The following PDS5A variants were observed in gnomAD, a reference collection of about 807,000 sequenced individuals.
PDS5A encodes the protein sister chromatid cohesion protein PDS5 homolog A.
A neutral mutation model predicts 167.1 loss-of-function variants in PDS5A; 42 were observed. The ratio of observed to expected loss-of-function variants is 0.25; its 90% CI spans 0.20 to 0.33. The LOEUF is 0.33. Among genes scored for constraint, PDS5A ranks in the 10% least tolerant of loss-of-function variants. The pLI is 1.00. For synonymous variants in PDS5A, 553 were observed against 554.6 expected (o/e 1.00, Z 0.04); for missense variants, 1,033 against 1,605.9 (o/e 0.64, Z 6.10).
intron 2 of PDS5A, among the ~76,000 whole-genome samples, chr4:39,941,856 G>A (rs1053155481): frequency 6.6e-6 from 1 of 152,188 alleles, no homozygotes; most frequent in Non-Finnish European, 1.5e-5. Flanking sequence ...AAGAGTTCAA[G>A]TTCAAGGCTG....
chr4:39,971,680 G>C (rs543064920), intron 2 of PDS5A, among the ~76,000 whole-genome samples: 1 of 151,990 alleles, frequency 6.6e-6, no homozygotes, highest in Non-Finnish European at 1.5e-5. Context: ...GGCTGGTCTC[G>C]AACTCCTGAG....
chr4:39,863,155 T>G, intron 24 of PDS5A, 82 bp from the exon 25 acceptor site: 1 of 1,111,624 alleles, frequency 9.0e-7, no homozygotes, highest in Non-Finnish European at 1.3e-6. Context: ...GTGTCTTCAA[T>G]TAAAAAGAAG....
intron 2 of PDS5A, among the ~76,000 whole-genome samples, chr4:39,962,244 G>A (rs1359923616): frequency 1.3e-5 from 2 of 151,888 alleles, no homozygotes; most frequent in Admixed American, 6.6e-5. Flanking sequence ...TTTTAGTAGA[G>A]ACGGGGTTTC....
chr4:39,903,703 T>C (rs1024730835), intron 12 of PDS5A, among the ~76,000 whole-genome samples: 24 of 152,294 alleles, frequency 1.6e-4, no homozygotes, highest in African/African-American at 5.5e-4. Flanking sequence ...CCTTTTTATA[T>C]AAAACTGAAG....
At chr4:39,887,053 A>G (rs1721539864) in intron 17 of PDS5A, among the ~76,000 whole-genome samples, 1 of 152,028 alleles carries the variant, frequency 6.6e-6, no homozygotes, top group South Asian at 2.1e-4. Context: ...TGATAATGTC[A>G]TCTGCGAACA....
intron 2 of PDS5A, among the ~76,000 whole-genome samples, chr4:39,949,578 G>GC (rs1242710295): frequency 6.6e-6 from 1 of 151,780 alleles, no homozygotes; most frequent in Non-Finnish European, 1.5e-5. Context: ...CACAATCCCA[G>GC]CCCTTTGGGG....
intron 2 of PDS5A, among the ~76,000 whole-genome samples, chr4:39,955,909 G>A (rs1728880376): frequency 6.6e-6 from 1 of 151,994 alleles, no homozygotes. Flanking sequence ...GAGGTCAGGA[G>A]TTCGAGACCA....
At chr4:39,849,190 TAACA>T (rs776287478) in intron 27 of PDS5A, among the ~76,000 whole-genome samples, 12 of 151,972 alleles carry the variant, frequency 7.9e-5, no homozygotes, top group African/African-American at 2.7e-4. Flanking sequence ...GCATGGAAAA[TAACA>T]AACAAATGAA....
At chr4:39,964,131 A>T (rs1360406179) in intron 2 of PDS5A, among the ~76,000 whole-genome samples, 1 of 152,238 alleles carries the variant, frequency 6.6e-6, no homozygotes, top group African/African-American at 2.4e-5. Context: ...AAAGAACCAC[A>T]GAGAAATTCT....
intron 2 of PDS5A, among the ~76,000 whole-genome samples, chr4:39,944,104 G>C (rs1232347145): frequency 1.4e-5 from 2 of 146,980 alleles, no homozygotes; most frequent in Non-Finnish European, 1.5e-5. Context: ...CGTGAACCCA[G>C]GAAGGCGGAG....
chr4:39,971,145 T>C (rs991815659), intron 2 of PDS5A, among the ~76,000 whole-genome samples: 1 of 151,492 alleles, frequency 6.6e-6, no homozygotes, highest in Non-Finnish European at 1.5e-5. Context: ...GCCTTTAAGA[T>C]GTTTTTTGTT....
chr4:39,839,401 C>A (rs1485127426), intron 31 of PDS5A, among the ~76,000 whole-genome samples: 1 of 151,908 alleles, frequency 6.6e-6, no homozygotes, highest in Non-Finnish European at 1.5e-5. Context: ...GAAACCACAT[C>A]TCTACTAAAA....
chr4:39,845,169 T>C (rs375299371), intron 29 of PDS5A, among the ~76,000 whole-genome samples: 1 of 152,086 alleles, frequency 6.6e-6, no homozygotes, highest in African/African-American at 2.4e-5. Flanking sequence ...GATCGCAACA[T>C]TGTACTCCAG....
intron 8 of PDS5A, among the ~76,000 whole-genome samples, chr4:39,915,918 C>T (rs1259147009): frequency 6.6e-6 from 1 of 152,084 alleles, no homozygotes; most frequent in East Asian, 1.9e-4. Context: ...AAAACTCGCC[C>T]CTCTGCTATT....
At chr4:39,948,978 T>C (rs561159936) in intron 2 of PDS5A, among the ~76,000 whole-genome samples, 85 of 152,138 alleles carry the variant, frequency 5.6e-4, no homozygotes, top group African/African-American at 2.0e-3. Flanking sequence ...GGTACACCTA[T>C]ACACTACAGT....
rs1197444841 is a variant in PDS5A at position 39,977,551 on chromosome 4, C to T, written c.-135G>A. ...TAGTCGGGCTGCACACAAAGCGGCT[C>T]CGCGGGTCCCGCCGCCGCCGCCGCC... On this transcript the variant is annotated 5_prime_UTR_variant, in exon 1 of 33. Transcript: ENST00000303538. The surrounding 1 kb of genome is among the most constrained non-coding windows in gnomAD (Gnocchi z 4.2). The T allele has an allele frequency of 6.3e-6, 1 of 158,350 alleles. No homozygotes were observed. The highest frequency in any genetic ancestry group is 1.3e-5 in the Non-Finnish European group (1 of 74,948). The allele number at this position is 158,350 out of a possible 1,614,324, so 9.8% of individuals were successfully genotyped here.
At chr4:39,933,212 AG>A (rs1411551798) in intron 2 of PDS5A, 1 of 152,376 alleles carries the variant, frequency 6.6e-6, no homozygotes, top group East Asian at 1.9e-4. Context: ...GACCCAGATC[AG>A]TTTGCTGAGA....
chr4:39,833,644 C>A (rs1215548537), intron 32 of PDS5A, among the ~76,000 whole-genome samples: 1 of 152,104 alleles, frequency 6.6e-6, no homozygotes, highest in South Asian at 2.1e-4. Context: ...CCAGCCTCAG[C>A]CTCCCAAAGT....
chr4:39,973,799 G>A (rs983053369), intron 2 of PDS5A: 17 of 1,248,678 alleles, frequency 1.4e-5, no homozygotes, highest in Middle Eastern at 1.9e-4. Flanking sequence ...CCTCCTTCAG[G>A]TTACTTCATG....
Sources: allele counts gnomAD v4.1 joint callset (sites outside exome capture counted in the v4.1 genomes callset), GRCh38; gene constraint gnomAD v4.1.1; non-coding constraint Gnocchi (gnomAD v3.1); transcripts MANE v1.5; gene names NCBI Gene and HGNC (gene_info 2026-07-23, HGNC 2026-07-21).